The following ZNF462 variants were observed in gnomAD, a reference collection of about 807,000 sequenced individuals.
The protein encoded by ZNF462 is zinc finger PBX1-interacting protein.
A neutral mutation model predicts 201.9 loss-of-function variants in ZNF462; 10 were observed. The observed-to-expected ratio is 0.05, with a 90% confidence interval of 0.03 to 0.08. The LOEUF is 0.08. Among genes scored for constraint, ZNF462 ranks in the 10% least tolerant of loss-of-function variants. The probability of loss-of-function intolerance (pLI) is 1.00; values close to 1 mark genes in which losing one functional copy is unlikely to be tolerated. For missense variants in ZNF462, 2,523 were observed against 3,168.3 expected (o/e 0.80, Z 4.89); for synonymous variants, 1,227 against 1,193.3 (o/e 1.03, Z -0.58).
At position 107,011,226 on chromosome 9, in the gene ZNF462, T is replaced by C; in HGVS notation, c.*196T>C. Reference sequence around the variant, plus strand: ...ATTAAAGTTATTTAAATGGTTGGAATATGTGGCTCCTTTTCCATCACTACA... The same window carrying C: ...ATTAAAGTTATTTAAATGGTTGGAACATGTGGCTCCTTTTCCATCACTACA... On this transcript the variant is annotated 3_prime_UTR_variant, in exon 13 of 13. Transcript: ENST00000277225. The surrounding 1 kb of genome is among the most constrained non-coding windows in gnomAD (Gnocchi z 5.6). 1 of 565,376 alleles carries C rather than the reference T, an allele frequency of 1.8e-6. No homozygotes were observed. Among genetic ancestry groups the C allele is most frequent in the South Asian group, 2.1e-5 (1 of 46,878 alleles). The allele number at this position is 565,376 out of a possible 1,614,324, so 35.0% of individuals were successfully genotyped here.
chr9:106,998,280 T>C (rs901169310), intron 10 of ZNF462, among the ~76,000 whole-genome samples: 1 of 152,208 alleles, frequency 6.6e-6, no homozygotes. Flanking sequence ...TCCTATTTGA[T>C]GCCTGCAATG....
rs534931442 is a variant in ZNF462, at chr9:106,924,375, C to T, written c.463C>T (p.His155Tyr). 1 of 1,614,156 alleles carries T rather than the reference C, an allele frequency of 6.2e-7. No individual in the cohort carries two copies. Among genetic ancestry groups the T allele is most frequent in the Non-Finnish European group, 8.5e-7 (1 of 1,180,026 alleles). ...ATCCTTAAATTATAATATCATGATG[C>T]ACGAGGGATTTGGAAAGGTCTTCTC... ...PGSLNYNIMM[H>Y]EGFGKVFSCQ... is the part of the protein sequence containing the mutation. Residue 155 changes from histidine to tyrosine, a missense_variant, in exon 3 of 13, where the codon CAC becomes TAC. Around this residue, in one of 15 missense-constraint regions of ZNF462, gnomAD observed 480 missense variants for 544.4 expected, o/e 0.88. Transcript: ENST00000277225. This position sits in a 1 kb window ranked among gnomAD's most constrained non-coding sequence, Gnocchi z 6.2.
rs1829805196 is a variant in ZNF462 at position 107,009,635 on chromosome 9, C to T, written c.7280C>T (p.Ser2427Phe). 6.2e-7 allele frequency: 1 copy of T among 1,610,060 alleles called. No homozygotes were observed. Among genetic ancestry groups the T allele is most frequent in the East Asian group, 2.2e-5 (1 of 44,584 alleles). The change falls in exon 12 of 13, where the codon TCT (serine) becomes TTT (phenylalanine). Residue 2427 changes from serine to phenylalanine, a missense_variant. This residue lies in a region of ZNF462 where 228 missense variants were observed against 361.2 expected (regional missense o/e 0.63). Coordinates refer to ENST00000277225, the MANE Select transcript of ZNF462 (RefSeq NM_021224.6). This position sits in a 1 kb window ranked among gnomAD's most constrained non-coding sequence, Gnocchi z 6.1. ...TGTGGACGGGCGTTTTCACAGGGCT[C>T]TGAGTGGGAAAGACATGTGCTGAGA... ...EFCGRAFSQGSEWERHVLRHG... is the reference protein window; with the variant it reads ...EFCGRAFSQGFEWERHVLRHG...
At position 106,974,106 on chromosome 9, in the gene ZNF462, G is replaced by T. The variant is rs764700634; in HGVS notation, c.6696-31G>T. 1 of 1,613,178 alleles carries T rather than the reference G, an allele frequency of 6.2e-7. No homozygotes were observed. The highest frequency in any genetic ancestry group is 8.5e-7 in the Non-Finnish European group (1 of 1,179,670). On this transcript the variant is annotated intron_variant, in intron 8 of 12. Transcript: ENST00000277225. The surrounding 1 kb of genome is among the most constrained non-coding windows in gnomAD (Gnocchi z 4.0). ...AAAATGCAATGATCCCTGGTTACACGCATCACCTCTCCTCCCAAACTCTCT... is the reference window on the plus strand; with the variant it reads ...AAAATGCAATGATCCCTGGTTACACTCATCACCTCTCCTCCCAAACTCTCT...
chr9:106,949,432 T>C (rs558661010), intron 7 of ZNF462, among the ~76,000 whole-genome samples: 2 of 152,368 alleles, frequency 1.3e-5, no homozygotes, highest in East Asian at 3.9e-4. Context: ...AATCTGGCTG[T>C]GTGTATAGCA....
intron 10 of ZNF462, among the ~76,000 whole-genome samples, chr9:106,998,765 C>T (rs1345393891): frequency 6.6e-6 from 1 of 152,022 alleles, no homozygotes; most frequent in African/African-American, 2.4e-5. Context: ...CCGCCCACCA[C>T]ACCTGGCTAA....
Position 107,003,259 on chromosome 9 carries a change from T to C in ZNF462, c.7057-35T>C. 1 of 1,611,928 alleles carries C rather than the reference T, an allele frequency of 6.2e-7. No homozygotes were observed. The highest frequency in any genetic ancestry group is 1.3e-5 in the African/African-American group (1 of 74,946). Reference sequence around the variant, plus strand: ...AGGGAGAACCCCATTTGGTCTGCGGTTTATTATTCCATCATTTGTTTGGGC... The same window carrying C: ...AGGGAGAACCCCATTTGGTCTGCGGCTTATTATTCCATCATTTGTTTGGGC... On this transcript the variant is annotated intron_variant, in intron 10 of 12. Coordinates refer to ENST00000277225, the MANE Select transcript of ZNF462 (RefSeq NM_021224.6). The surrounding 1 kb of genome is among the most constrained non-coding windows in gnomAD (Gnocchi z 4.4).
chr9:106,926,263 C>A lies in ZNF462; in HGVS notation c.2351C>A (p.Thr784Asn), dbSNP rs866033050. The change falls in exon 3 of 13, where the codon ACC becomes AAC. Residue 784 changes from threonine to asparagine, a missense_variant. This residue lies in a region of ZNF462 where 383 missense variants were observed against 453.4 expected (regional missense o/e 0.84). Coordinates refer to ENST00000277225, the MANE Select transcript of ZNF462 (RefSeq NM_021224.6). This position sits in a 1 kb window ranked among gnomAD's most constrained non-coding sequence, Gnocchi z 7.9. ...FRNITHDYNA[T>N]NGAEIELTLS... The stretch of plus-strand genomic sequence containing the variant: ...AACATCACCCACGATTACAATGCCA[C>A]CAATGGGGCTGAGATTGAGCTCACC... 3.1e-6 allele frequency: 5 copies of A among 1,614,168 alleles called. No homozygotes were observed. The Middle Eastern group carries it at 6.6e-4, about 213-fold the overall frequency.
Position 106,929,565 on chromosome 9 carries a change from C to G in ZNF462, c.5653C>G (p.Pro1885Ala). 6.2e-7 allele frequency: 1 copy of G among 1,614,154 alleles called. No individual in the cohort carries two copies. Among genetic ancestry groups the G allele is most frequent in the Non-Finnish European group, 8.5e-7 (1 of 1,180,038 alleles). Residue 1885 changes from proline to alanine, a missense_variant, in exon 3 of 13, where the codon CCC becomes GCC. By Grantham distance (27) the Pro-to-Ala change is conservative (BLOSUM62 -1). This residue lies in a region of ZNF462 where 207 missense variants were observed against 231.6 expected (regional missense o/e 0.89). Transcript: ENST00000277225. This position sits in a 1 kb window ranked among gnomAD's most constrained non-coding sequence, Gnocchi z 8.7. ...KRDFIILGNG[P>A]RLQNSTYQCK... ...GGACTTCATCATTCTGGGCAACGGC[C>G]CCCGCTTGCAGAACTCCACCTACCA...
At chr9:106,943,347 C>T (rs1377316692) in intron 7 of ZNF462, among the ~76,000 whole-genome samples, 1 of 152,142 alleles carries the variant, frequency 6.6e-6, no homozygotes, top group African/African-American at 2.4e-5. Context: ...AGACATTTCT[C>T]ATCAAGGAAC....
rs1193088757 is a variant in ZNF462, at chr9:106,930,624, A to G, written c.5947A>G (p.Ile1983Val). The G allele has an allele frequency of 6.2e-7, 1 of 1,614,076 alleles. No homozygotes were observed. Among genetic ancestry groups the G allele is most frequent in the Non-Finnish European group, 8.5e-7 (1 of 1,180,038 alleles). ...CVEVHPTLRA[I>V]CNHLRKHVQY... Reference sequence around the variant, plus strand: ...GGAAGTGCACCCAACGCTCCGAGCCATCTGCAATCACCTCCGAAAGCACGT... The same window carrying G: ...GGAAGTGCACCCAACGCTCCGAGCCGTCTGCAATCACCTCCGAAAGCACGT... The change falls in exon 4 of 13, where the codon ATC becomes GTC. Residue 1983 changes from isoleucine to valine, a missense_variant. Physicochemically the swap from Ile to Val is conservative, Grantham distance 29 (BLOSUM62 3). Around this residue, in one of 15 missense-constraint regions of ZNF462, gnomAD observed 107 missense variants for 187.7 expected, o/e 0.57. Coordinates refer to ENST00000277225, the MANE Select transcript of ZNF462 (RefSeq NM_021224.6). This position sits in a 1 kb window ranked among gnomAD's most constrained non-coding sequence, Gnocchi z 5.8.
Position 106,966,689 on chromosome 9 carries a change from T to A in ZNF462, c.6428-5316T>A, listed in dbSNP as rs1832086611. 6.6e-6 allele frequency among the ~76,000 whole-genome samples: 1 copy of A among 152,130 alleles called. No individual in the cohort carries two copies. Among genetic ancestry groups the A allele is most frequent in the Admixed American group, 6.6e-5 (1 of 15,264 alleles). ...CAAGTCTTACTGTCCCAGAACAGGG[T>A]CTCCTATTTACTTAAATGCTCAGTA... On this transcript the variant is annotated intron_variant, in intron 7 of 12. Transcript: ENST00000277225. This position sits in a 1 kb window ranked among gnomAD's most constrained non-coding sequence, Gnocchi z 4.4.
intron 1 of ZNF462, among the ~76,000 whole-genome samples, chr9:106,874,224 T>C (rs1323497378): frequency 6.6e-6 from 1 of 152,216 alleles, no homozygotes; most frequent in Non-Finnish European, 1.5e-5. Context: ...TTTAGAGGAA[T>C]AGGGACTCCA....
chr9:106,948,414 C>A (rs1201394479), intron 7 of ZNF462, among the ~76,000 whole-genome samples: 1 of 152,140 alleles, frequency 6.6e-6, no homozygotes, highest in Non-Finnish European at 1.5e-5. Flanking sequence ...AAGGAATGTG[C>A]AATGAAATCA....
At chr9:106,939,234 A>G (rs1268992956) in intron 7 of ZNF462, 127 bp downstream of exon 7, 13 of 1,057,828 alleles carry the variant, frequency 1.2e-5, no homozygotes, top group African/African-American at 1.6e-5. Flanking sequence ...AGGAAGAAAT[A>G]TGAAAAAGTT....
At chr9:106,887,156 A>C (rs1828356260) in intron 1 of ZNF462, among the ~76,000 whole-genome samples, 1 of 152,206 alleles carries the variant, frequency 6.6e-6, no homozygotes, top group Non-Finnish European at 1.5e-5. Context: ...GTTGAGTAGC[A>C]GTTTGAACGA....
chr9:106,897,489 T>G (rs906947202), intron 1 of ZNF462, among the ~76,000 whole-genome samples: 10 of 152,180 alleles, frequency 6.6e-5, no homozygotes, highest in African/African-American at 2.4e-4. Context: ...TTACTTTTTT[T>G]TTTTAGTAAT....
rs943370487 is a variant in ZNF462, at chr9:106,919,529, A to G, written c.-30-3825A>G. ...TGTATATATGTTTCAAATCTTTGAC[A>G]TCATCTCTGGATGTTCTTTATATCT... On this transcript the variant is annotated intron_variant, in intron 1 of 12. Transcript: ENST00000277225. This position sits in a 1 kb window ranked among gnomAD's most constrained non-coding sequence, Gnocchi z 4.5. Among the ~76,000 whole-genome samples, 4 of 152,248 alleles carry G rather than the reference A, an allele frequency of 2.6e-5. No homozygotes were observed. Among genetic ancestry groups the G allele is most frequent in the African/African-American group, 9.6e-5 (4 of 41,462 alleles).
Position 106,925,068 on chromosome 9 carries a change from T to G in ZNF462, c.1156T>G (p.Ser386Ala). Residue 386 changes from serine (S) to alanine (A), a missense_variant, in exon 3 of 13, where the codon TCT (serine) becomes GCT (alanine). Physicochemically the swap from Ser to Ala is moderately conservative, Grantham distance 99. Around this residue, in one of 15 missense-constraint regions of ZNF462, gnomAD observed 480 missense variants for 544.4 expected, o/e 0.88. Transcript: ENST00000277225. This position sits in a 1 kb window ranked among gnomAD's most constrained non-coding sequence, Gnocchi z 7.9. The stretch of plus-strand genomic sequence containing the variant: ...GGAAACTAACAGCATGCTAAATGAC[T>G]CTAGTTCTGATGAAGAGTTAAATGA... ...DLETNSMLND[S>A]SSDEELNEID... The G allele has an allele frequency of 6.2e-7, 1 of 1,614,050 alleles. No individual in the cohort carries two copies. Among genetic ancestry groups the G allele is most frequent in the East Asian group, 2.2e-5 (1 of 44,890 alleles).
Sources: allele counts gnomAD v4.1 joint callset (sites outside exome capture counted in the v4.1 genomes callset), GRCh38; gene constraint gnomAD v4.1.1; regional missense constraint gnomAD v4.1.1; non-coding constraint Gnocchi (gnomAD v3.1); transcripts MANE v1.5; gene names NCBI Gene and HGNC (gene_info 2026-07-23, HGNC 2026-07-21).